RABL3: variants seen among roughly 807,000 people sequenced by gnomAD.
RABL3 encodes rab-like protein 3.
In RABL3, 31 loss-of-function variants were observed where a neutral mutation model predicts 31.8. The observed-to-expected ratio is 0.97, with a 90% CI of 0.73 to 1.31. The LOEUF is 1.31. Ranked by LOEUF, RABL3 falls within the 40% of genes most tolerant of loss-of-function variation. RABL3 has a pLI of 0.00. For synonymous variants in RABL3, 97 were observed against 99.9 expected (o/e 0.97, Z 0.18); for missense variants, 263 against 279.6 (o/e 0.94, Z 0.42).
rs925602561 is a variant in RABL3, at chr3:120,688,568, T to C, written c.*1255A>G. 4 of 152,228 alleles carry C rather than the reference T, an allele frequency of 2.6e-5. No individual in the cohort carries two copies. The highest frequency in any genetic ancestry group is 2.1e-4 in the South Asian group (1 of 4,838). 9.4% of individuals were successfully genotyped at this position (152,228 alleles called of 1,614,324 possible). A position where few individuals can be genotyped will look rare whatever the true frequency, so the allele number is the denominator to read the frequency against. On this transcript the variant is annotated 3_prime_UTR_variant, in exon 8 of 8. Coordinates refer to ENST00000273375, the MANE Select transcript of RABL3 (RefSeq NM_173825.5). ...AAGTGAATTTGGTGTTTTCCACCTA[T>C]TTTTTAAATGAGAAATGAAAACTGT...
At chr3:120,705,748 T>C (rs369794031) in intron 4 of RABL3, among the ~76,000 whole-genome samples, 4 of 152,112 alleles carry the variant, frequency 2.6e-5, no homozygotes, top group African/African-American at 9.7e-5. Context: ...AGAGAAAACC[T>C]GCATCATCTA....
chr3:120,696,530 A>C (rs1453043625), intron 5 of RABL3, among the ~76,000 whole-genome samples: 1 of 151,686 alleles, frequency 6.6e-6, no homozygotes, highest in African/African-American at 2.4e-5. Flanking sequence ...TCACTACCTG[A>C]GTACCTTTAC....
chr3:120,742,588 A>C, upstream of RABL3: 2 of 1,370,378 alleles, frequency 1.5e-6, no homozygotes, highest in Non-Finnish European at 2.1e-6. Context: ...CAGAGCCTTC[A>C]ATTTCATTGG....
chr3:120,688,113 T>C lies in RABL3; in HGVS notation c.*1710A>G, dbSNP rs1007975521. ...GCCTATTTTTATTTTTTAAATAAGATAGAAAATAAAAAAATCAGGATGAAT... is the reference window on the plus strand; with the variant it reads ...GCCTATTTTTATTTTTTAAATAAGACAGAAAATAAAAAAATCAGGATGAAT... On this transcript the variant is annotated 3_prime_UTR_variant, in exon 8 of 8. Coordinates refer to ENST00000273375, the MANE Select transcript of RABL3 (RefSeq NM_173825.5). 2 of 152,026 alleles carry C rather than the reference T, an allele frequency of 1.3e-5. No homozygotes were observed. Among genetic ancestry groups the C allele is most frequent in the African/African-American group, 4.8e-5 (2 of 41,326 alleles). The allele number at this position is 152,026 out of a possible 1,614,324, so 9.4% of individuals were successfully genotyped here. A position where few individuals can be genotyped will look rare whatever the true frequency, so the allele number is the denominator to read the frequency against.
At chr3:120,719,394 G>C (rs1039802821) in intron 2 of RABL3, among the ~76,000 whole-genome samples, 6 of 152,222 alleles carry the variant, frequency 3.9e-5, no homozygotes, top group African/African-American at 1.4e-4. Context: ...GTCGAAGCAA[G>C]GCGAGGCATC....
Position 120,685,590 on chromosome 3 carries a change from G to A in RABL3, c.*4233C>T, listed in dbSNP as rs922260166. 2.6e-5 allele frequency among the ~76,000 whole-genome samples: 4 copies of A among 152,162 alleles called. No individual in the cohort carries two copies. The highest frequency in any genetic ancestry group is 9.7e-5 in the African/African-American group (4 of 41,432). On this transcript the variant is annotated 3_prime_UTR_variant, in exon 8 of 8. Coordinates refer to ENST00000273375, the MANE Select transcript of RABL3 (RefSeq NM_173825.5). ...ACAAATACTTGTTTTGCCAACAGAA[G>A]ACATGACAATCATCTCATGTTTAAT...
At chr3:120,730,904 C>A in intron 1 of RABL3, 117 bp from the exon 2 acceptor site, 1 of 706,300 alleles carries the variant, frequency 1.4e-6, no homozygotes. Flanking sequence ...TGTTAGAATG[C>A]CATACCAACA....
intron 2 of RABL3, among the ~76,000 whole-genome samples, chr3:120,725,781 A>T: frequency 6.6e-6 from 1 of 152,096 alleles, no homozygotes; most frequent in Admixed American, 6.5e-5. Context: ...CGAACATCAC[A>T]CACTGGGGCC....
intron 2 of RABL3, among the ~76,000 whole-genome samples, chr3:120,720,743 C>A (rs1708729311): frequency 6.6e-6 from 1 of 152,186 alleles, no homozygotes; most frequent in African/African-American, 2.4e-5. Context: ...AGAATGGAAC[C>A]AAGTTGGAAA....
chr3:120,725,693 A>G (rs1235566172), intron 2 of RABL3, among the ~76,000 whole-genome samples: 1 of 152,224 alleles, frequency 6.6e-6, no homozygotes, highest in Non-Finnish European at 1.5e-5. Flanking sequence ...AAACTATCGC[A>G]AGGACAAAAA....
At chr3:120,695,444 A>G (rs549837591) in intron 5 of RABL3, among the ~76,000 whole-genome samples, 2 of 152,100 alleles carry the variant, frequency 1.3e-5, no homozygotes, top group Non-Finnish European at 2.9e-5. Flanking sequence ...GGGCTTACTG[A>G]TTTGTGGAAT....
At chr3:120,698,079 G>A (rs1013991614) in intron 5 of RABL3, among the ~76,000 whole-genome samples, 1 of 152,142 alleles carries the variant, frequency 6.6e-6, no homozygotes, top group Admixed American at 6.5e-5. Context: ...CATGAGAATC[G>A]CTTGAACCCA....
intron 3 of RABL3, among the ~76,000 whole-genome samples, chr3:120,706,655 C>A (rs906151563): frequency 7.6e-6 from 1 of 131,046 alleles, no homozygotes; most frequent in African/African-American, 2.5e-5. Context: ...TCCTGTAGAT[C>A]ATCTGAGACT....
chr3:120,706,799 T>C (rs576939297), intron 3 of RABL3, among the ~76,000 whole-genome samples: 3 of 152,008 alleles, frequency 2.0e-5, no homozygotes, highest in African/African-American at 4.8e-5. Flanking sequence ...CATTAAATAG[T>C]AAAGAAGTAT....
intron 2 of RABL3, among the ~76,000 whole-genome samples, chr3:120,712,227 G>C (rs527833302): frequency 1.3e-5 from 2 of 152,180 alleles, no homozygotes; most frequent in South Asian, 2.1e-4. Flanking sequence ...ACAATTATCA[G>C]ACTGACATCA....
intron 1 of RABL3, among the ~76,000 whole-genome samples, chr3:120,740,960 T>C (rs1709035535): frequency 6.6e-6 from 1 of 152,194 alleles, no homozygotes; most frequent in Non-Finnish European, 1.5e-5. Context: ...GACGCATTAA[T>C]TCCACAGTTA....
chr3:120,733,711 C>A (rs929313858), intron 1 of RABL3, among the ~76,000 whole-genome samples: 3 of 152,116 alleles, frequency 2.0e-5, no homozygotes, highest in South Asian at 2.1e-4. Flanking sequence ...AGTCTTTAAT[C>A]CATCTTGAAT....
At chr3:120,740,685 G>A (rs1709030462) in intron 1 of RABL3, among the ~76,000 whole-genome samples, 1 of 152,180 alleles carries the variant, frequency 6.6e-6, no homozygotes, top group Admixed American at 6.5e-5. Flanking sequence ...ATTCTAAACT[G>A]TCAGACTGTG....
chr3:120,726,784 T>TA (rs903409286), intron 2 of RABL3, among the ~76,000 whole-genome samples: 9 of 150,830 alleles, frequency 6.0e-5, no homozygotes, highest in African/African-American at 2.2e-4. Flanking sequence ...AATAAAACAA[T>TA]AAAAAAAACT....
Sources: gnomAD v4.1 joint callset for allele counts (sites outside exome capture counted in the v4.1 genomes callset) on GRCh38, gnomAD v4.1.1 for gene constraint, MANE v1.5 for transcripts, NCBI Gene and HGNC (gene_info 2026-07-23, HGNC 2026-07-21) for gene names.